MYRIP: variants seen among roughly 807,000 people sequenced by gnomAD.
The protein encoded by MYRIP is rab effector MyRIP.
Under a neutral mutation model 98.0 loss-of-function variants are expected in MYRIP, and 49 were observed. The ratio of observed to expected loss-of-function variants is 0.50; its 90% CI spans 0.40 to 0.63. The LOEUF (loss-of-function observed/expected upper bound fraction) is 0.63, where lower values mean the gene tolerates loss of function less well. Among genes scored for constraint, MYRIP ranks in the 30% least tolerant of loss-of-function variants. The pLI, the probability that MYRIP is intolerant of heterozygous loss-of-function variation, is 0.00. For synonymous variants in MYRIP, 404 were observed against 409.5 expected (o/e 0.99, Z 0.16); for missense variants, 1,004 against 1,058.2 (o/e 0.95, Z 0.71).
At chr3:40,029,160 G>T (rs921442416) in intron 2 of MYRIP, among the ~76,000 whole-genome samples, 1 of 152,132 alleles carries the variant, frequency 6.6e-6, no homozygotes, top group East Asian at 1.9e-4. Context: ...TTGTTATACT[G>T]TTGAGAGATG....
chr3:40,139,533 T>C (rs1245196016), intron 3 of MYRIP, among the ~76,000 whole-genome samples: 1 of 152,228 alleles, frequency 6.6e-6, no homozygotes, highest in Admixed American at 6.5e-5. Context: ...TATTCTTTTA[T>C]TTAGCATAAT....
intron 2 of MYRIP, among the ~76,000 whole-genome samples, chr3:39,947,616 A>G (rs1014422354): frequency 1.8e-4 from 28 of 152,238 alleles, no homozygotes; most frequent in Non-Finnish European, 3.5e-4. Flanking sequence ...TTAGAAATAC[A>G]GACTCACTGG....
intron 1 of MYRIP, among the ~76,000 whole-genome samples, chr3:39,845,272 A>T (rs977745105): frequency 6.6e-6 from 1 of 152,016 alleles, no homozygotes; most frequent in Non-Finnish European, 1.5e-5. Flanking sequence ...TGATTTGGAC[A>T]TTTACTTTGG....
intron 2 of MYRIP, among the ~76,000 whole-genome samples, chr3:39,958,218 C>T (rs533703685): frequency 6.6e-5 from 10 of 152,254 alleles, no homozygotes; most frequent in African/African-American, 1.7e-4. Context: ...CCCGCATTGC[C>T]AAGTCAATCC....
In MYRIP at chr3:39,940,072, T is replaced by C. The variant is rs1484234694; in HGVS notation, c.110+39146T>C. Reference sequence around the variant, plus strand: ...TATATGCTTAATGTTTGTATAATAGTAGATACTACTCAATAAAATATATGT... The same window carrying C: ...TATATGCTTAATGTTTGTATAATAGCAGATACTACTCAATAAAATATATGT... On this transcript the variant is annotated intron_variant, in intron 2 of 16. Transcript: ENST00000302541. Among the ~76,000 whole-genome samples the C allele has an allele frequency of 2.6e-5, 4 of 152,258 alleles. No individual in the cohort carries two copies. The East Asian group carries it at 5.8e-4, about 22-fold the overall frequency.
intron 2 of MYRIP, among the ~76,000 whole-genome samples, chr3:39,905,127 A>C (rs1464499808): frequency 6.6e-6 from 1 of 152,232 alleles, no homozygotes. Context: ...TTACTCAAGT[A>C]AATGTGTCAA....
intron 1 of MYRIP, among the ~76,000 whole-genome samples, chr3:39,837,843 C>T (rs537781560): frequency 4.0e-4 from 61 of 152,252 alleles, no homozygotes; most frequent in African/African-American, 1.4e-3. Flanking sequence ...TCTTCTTATC[C>T]ATGAGCATGG....
chr3:39,848,500 G>A (rs1251695338), intron 1 of MYRIP, among the ~76,000 whole-genome samples: 1 of 152,140 alleles, frequency 6.6e-6, no homozygotes, highest in East Asian at 1.9e-4. Flanking sequence ...TTTCAGTGGA[G>A]AGGCCTTGCC....
chr3:40,250,871 G>A (rs1004125089), intron 15 of MYRIP, among the ~76,000 whole-genome samples: 3 of 152,220 alleles, frequency 2.0e-5, no homozygotes, highest in African/African-American at 7.2e-5. Context: ...GCAGGGAGAT[G>A]GGATATTTGT....
chr3:39,942,438 T>C (rs1379190064), intron 2 of MYRIP, among the ~76,000 whole-genome samples: 3 of 152,150 alleles, frequency 2.0e-5, no homozygotes, highest in Admixed American at 2.0e-4. Flanking sequence ...TTTATAGAAA[T>C]AGGAATTAGC....
intron 3 of MYRIP, among the ~76,000 whole-genome samples, chr3:40,150,282 G>A (rs759489430): frequency 2.8e-4 from 42 of 152,050 alleles, no homozygotes; most frequent in Non-Finnish European, 5.0e-4. Flanking sequence ...GTAGAGATGG[G>A]GTTTTGCCAT....
chr3:40,160,600 C>T (rs1950364835), intron 4 of MYRIP, among the ~76,000 whole-genome samples: 1 of 152,226 alleles, frequency 6.6e-6, no homozygotes, highest in Non-Finnish European at 1.5e-5. Flanking sequence ...AGCCTCGCTG[C>T]CACCTTGCAG....
intron 3 of MYRIP, among the ~76,000 whole-genome samples, chr3:40,081,726 A>G (rs1056292349): frequency 2.6e-5 from 4 of 152,228 alleles, no homozygotes; most frequent in African/African-American, 9.6e-5. Context: ...TTTGAAATAC[A>G]ACGTATATTA....
intron 2 of MYRIP, among the ~76,000 whole-genome samples, chr3:39,979,553 G>A (rs1262749712): frequency 1.3e-5 from 2 of 151,468 alleles, no homozygotes; most frequent in Admixed American, 1.3e-4. Context: ...CAGGAGAATC[G>A]CTTGCACCTG....
At chr3:40,202,463 A>G (rs1344168213) in intron 10 of MYRIP, among the ~76,000 whole-genome samples, 2 of 152,180 alleles carry the variant, frequency 1.3e-5, no homozygotes, top group South Asian at 2.1e-4. Flanking sequence ...AGGTAAACAC[A>G]GTGTTCTAAG....
intron 1 of MYRIP, among the ~76,000 whole-genome samples, chr3:39,822,956 G>A (rs1941148757): frequency 6.7e-6 from 1 of 149,980 alleles, no homozygotes; most frequent in Non-Finnish European, 1.5e-5. Flanking sequence ...TGGACACTTG[G>A]CTCTTGTGAA....
In MYRIP at chr3:39,904,019, A is replaced by G. The variant is rs563788906; in HGVS notation, c.110+3093A>G. On this transcript the variant is annotated intron_variant, in intron 2 of 16. Transcript: ENST00000302541. ...TCTTAAACCGCTTAATTTTGTCATT[A>G]TTTCTGAGATAATTCAGAAGGCAAG... 3.3e-5 allele frequency among the ~76,000 whole-genome samples: 5 copies of G among 152,300 alleles called. No homozygotes were observed. In the South Asian group the frequency reaches 1.0e-3, roughly 32 times the overall value.
intron 3 of MYRIP, among the ~76,000 whole-genome samples, chr3:40,100,876 A>T (rs1279795991): frequency 6.6e-6 from 1 of 152,200 alleles, no homozygotes; most frequent in Non-Finnish European, 1.5e-5. Flanking sequence ...AGGGTCCTGA[A>T]GCTAAAAACG....
At chr3:39,868,759 C>A (rs1244690610) in intron 1 of MYRIP, among the ~76,000 whole-genome samples, 5 of 152,144 alleles carry the variant, frequency 3.3e-5, no homozygotes, top group Non-Finnish European at 7.3e-5. Context: ...ATCCAAAGCT[C>A]ACACCCCAAA....
Sources: gnomAD v4.1 joint callset for allele counts (sites outside exome capture counted in the v4.1 genomes callset) on GRCh38, gnomAD v4.1.1 for gene constraint, MANE v1.5 for transcripts, NCBI Gene and HGNC (gene_info 2026-07-23, HGNC 2026-07-21) for gene names.